The following PDSS2 variants were observed in gnomAD, a reference collection of about 807,000 sequenced individuals.
The protein encoded by PDSS2 is all trans-polyprenyl-diphosphate synthase PDSS2.
Under a neutral mutation model 44.5 loss-of-function variants are expected in PDSS2, and 31 were observed. The observed-to-expected ratio is 0.70, with a 90% confidence interval of 0.52 to 0.94. PDSS2 has a LOEUF of 0.94. Ranked by LOEUF, PDSS2 falls within the 40% of genes least tolerant of loss-of-function variation. The pLI is 0.00. For missense variants in PDSS2, 452 were observed against 482.2 expected (o/e 0.94, Z 0.59); for synonymous variants, 157 against 180.3 (o/e 0.87, Z 1.03).
chr6:107,435,923 A>G (rs1172879921), intron 1 of PDSS2, among the ~76,000 whole-genome samples: 4 of 149,844 alleles, frequency 2.7e-5, no homozygotes, highest in African/African-American at 9.9e-5. Context: ...ATTTGTTGAA[A>G]CGAAGTTACA....
intron 2 of PDSS2, among the ~76,000 whole-genome samples, chr6:107,300,055 C>T (rs1028720993): frequency 6.6e-6 from 1 of 152,206 alleles, no homozygotes; most frequent in Non-Finnish European, 1.5e-5. Flanking sequence ...CACTGGGCTC[C>T]ATGAAGTCTC....
At chr6:107,289,593 G>T (rs138266929) in intron 2 of PDSS2, among the ~76,000 whole-genome samples, 1 of 151,932 alleles carries the variant, frequency 6.6e-6, no homozygotes, top group Non-Finnish European at 1.5e-5. Flanking sequence ...TACTCAGGAG[G>T]CTTGAGGTGG....
chr6:107,197,126 C>T (rs1015826643), intron 6 of PDSS2, among the ~76,000 whole-genome samples: 14 of 151,930 alleles, frequency 9.2e-5, no homozygotes, highest in African/African-American at 2.9e-4. Flanking sequence ...TAAGTGTTTC[C>T]CTGAGTTCTG....
intron 1 of PDSS2, among the ~76,000 whole-genome samples, chr6:107,429,507 T>G (rs1781103832): frequency 6.6e-6 from 1 of 152,156 alleles, no homozygotes; most frequent in South Asian, 2.1e-4. Flanking sequence ...CTCTTTGGCC[T>G]CGAACTATTG....
intron 7 of PDSS2, among the ~76,000 whole-genome samples, chr6:107,174,561 G>A (rs1157083994): frequency 6.6e-6 from 1 of 152,152 alleles, no homozygotes; most frequent in Non-Finnish European, 1.5e-5. Context: ...GAAAGGTCTT[G>A]ACAGCTTCTG....
intron 1 of PDSS2, among the ~76,000 whole-genome samples, chr6:107,411,976 C>T (rs900696348): frequency 2.0e-5 from 3 of 149,258 alleles, no homozygotes; most frequent in Non-Finnish European, 4.4e-5. Flanking sequence ...ACCTCCGCCT[C>T]CCAGGTTCAA....
At chr6:107,346,484 ATTC>A (rs1475931616) in intron 1 of PDSS2, among the ~76,000 whole-genome samples, 1 of 152,190 alleles carries the variant, frequency 6.6e-6, no homozygotes, top group African/African-American at 2.4e-5. Flanking sequence ...TATTTTGATT[ATTC>A]TTCTTCCTTG....
At chr6:107,316,937 A>G (rs1777221111) in intron 2 of PDSS2, among the ~76,000 whole-genome samples, 1 of 152,192 alleles carries the variant, frequency 6.6e-6, no homozygotes, top group South Asian at 2.1e-4. Context: ...GACGTCACAA[A>G]AGGTACAGAT....
At chr6:107,294,728 T>C (rs1776454574) in intron 2 of PDSS2, among the ~76,000 whole-genome samples, 2 of 152,190 alleles carry the variant, frequency 1.3e-5, no homozygotes, top group South Asian at 4.1e-4. Context: ...AAATGGAAAT[T>C]CAGATATATT....
chr6:107,220,010 A>C (rs908167057), intron 4 of PDSS2, among the ~76,000 whole-genome samples: 8 of 152,228 alleles, frequency 5.3e-5, no homozygotes, highest in African/African-American at 1.9e-4. Context: ...GAAGCCGGAC[A>C]CAAGAGACCA....
intron 3 of PDSS2, among the ~76,000 whole-genome samples, chr6:107,247,692 T>A (rs909165461): frequency 2.0e-5 from 3 of 152,136 alleles, no homozygotes; most frequent in Admixed American, 6.5e-5. Context: ...TGTTTATTTT[T>A]AAAATTATAC....
chr6:107,315,845 G>C (rs901276728), intron 2 of PDSS2, among the ~76,000 whole-genome samples: 1 of 152,202 alleles, frequency 6.6e-6, no homozygotes, highest in Non-Finnish European at 1.5e-5. Flanking sequence ...AACTGTAGGG[G>C]AGAAATACAC....
chr6:107,382,533 C>A (rs1779484384), intron 1 of PDSS2, among the ~76,000 whole-genome samples: 1 of 152,052 alleles, frequency 6.6e-6, no homozygotes, highest in Non-Finnish European at 1.5e-5. Context: ...ATTTGAGAGT[C>A]CAGAAATAAA....
At chr6:107,313,429 T>C (rs753950719) in intron 2 of PDSS2, among the ~76,000 whole-genome samples, 1 of 152,206 alleles carries the variant, frequency 6.6e-6, no homozygotes, top group Non-Finnish European at 1.5e-5. Context: ...CTCGGCTCAC[T>C]GCAACCTCTG....
chr6:107,389,199 C>T (rs1302500586), intron 1 of PDSS2, among the ~76,000 whole-genome samples: 1 of 152,082 alleles, frequency 6.6e-6, no homozygotes, highest in African/African-American at 2.4e-5. Context: ...AACTTTACAA[C>T]ATAAAACATG....
chr6:107,300,406 TGA>T (rs1189171458), intron 2 of PDSS2, among the ~76,000 whole-genome samples: 2 of 152,032 alleles, frequency 1.3e-5, no homozygotes, highest in Admixed American at 6.6e-5. Context: ...GTTTTCCTGT[TGA>T]GAGGGGGACT....
intron 4 of PDSS2, among the ~76,000 whole-genome samples, chr6:107,238,368 C>T (rs930445825): frequency 6.6e-6 from 1 of 152,204 alleles, no homozygotes; most frequent in Admixed American, 6.5e-5. Context: ...AGATGTTACT[C>T]AGCATATAGT....
At chr6:107,412,226 CT>C (rs1780523985) in intron 1 of PDSS2, among the ~76,000 whole-genome samples, 1 of 140,994 alleles carries the variant, frequency 7.1e-6, no homozygotes, top group South Asian at 2.2e-4. Flanking sequence ...TGTTCATGTC[CT>C]TTGCTCTTTT....
intron 2 of PDSS2, among the ~76,000 whole-genome samples, chr6:107,288,505 G>T (rs1776229470): frequency 6.6e-6 from 1 of 152,156 alleles, no homozygotes; most frequent in South Asian, 2.1e-4. Context: ...CAGATGCTGA[G>T]ATTATGAACT....
Sources: allele counts gnomAD v4.1 joint callset (sites outside exome capture counted in the v4.1 genomes callset), GRCh38; gene constraint gnomAD v4.1.1; transcripts MANE v1.5; gene names NCBI Gene and HGNC (gene_info 2026-07-23, HGNC 2026-07-21).